Variants in PLXDC2 observed in about 807,000 individuals in gnomAD.
PLXDC2 encodes the protein plexin domain-containing protein 2.
Under a neutral mutation model 68.9 loss-of-function variants are expected in PLXDC2, and 40 were observed. The ratio of observed to expected loss-of-function variants is 0.58; its 90% CI spans 0.45 to 0.76. PLXDC2 has a LOEUF of 0.76. PLXDC2 is among the 30% of genes least tolerant of loss of function. The pLI, the probability that PLXDC2 is intolerant of heterozygous loss-of-function variation, is 0.00. For missense variants in PLXDC2, 644 were observed against 661.9 expected (o/e 0.97, Z 0.30); for synonymous variants, 243 against 234.2 (o/e 1.04, Z -0.34).
At chr10:20,116,227 A>G (rs1447566675) in intron 4 of PLXDC2, among the ~76,000 whole-genome samples, 1 of 152,198 alleles carries the variant, frequency 6.6e-6, no homozygotes, top group East Asian at 1.9e-4. Context: ...GTAAATGTAA[A>G]GGTGCTATGG....
intron 1 of PLXDC2, among the ~76,000 whole-genome samples, chr10:19,959,745 A>T (rs985759105): frequency 6.6e-6 from 1 of 152,156 alleles, no homozygotes; most frequent in African/African-American, 2.4e-5. Context: ...AATGTAAAAC[A>T]TCCAGGAACC....
chr10:19,840,655 A>G (rs1258716697), intron 1 of PLXDC2, among the ~76,000 whole-genome samples: 1 of 152,166 alleles, frequency 6.6e-6, no homozygotes, highest in Non-Finnish European at 1.5e-5. Context: ...TTCTTATTTC[A>G]TCAAGGAACT....
intron 2 of PLXDC2, among the ~76,000 whole-genome samples, chr10:20,016,185 T>G (rs10734029): frequency 0.39 from 58,650 of 151,960 alleles, 11,566 homozygotes; most frequent in East Asian, 0.55. Flanking sequence ...AAGAAACAAT[T>G]CTGGGTACTT....
intron 7 of PLXDC2, 63 bp downstream of exon 7, chr10:20,164,630 G>T (rs1006129837): frequency 7.6e-5 from 95 of 1,250,768 alleles, no homozygotes; most frequent in Non-Finnish European, 1.1e-4. Context: ...AAAGGAGATT[G>T]GTCTATGGCA....
At chr10:19,892,512 C>G (rs16919523) in intron 1 of PLXDC2, among the ~76,000 whole-genome samples, 3 of 152,272 alleles carry the variant, frequency 2.0e-5, no homozygotes, top group Non-Finnish European at 4.4e-5. Context: ...TGTAAAGTTA[C>G]GACTAGGACT....
At chr10:19,954,902 T>C (rs1167294629) in intron 1 of PLXDC2, among the ~76,000 whole-genome samples, 1 of 152,150 alleles carries the variant, frequency 6.6e-6, no homozygotes, top group Non-Finnish European at 1.5e-5. Flanking sequence ...ATCCCTGTCG[T>C]ATCTATCTGT....
At chr10:19,889,859 T>G (rs1286221765) in intron 1 of PLXDC2, among the ~76,000 whole-genome samples, 1 of 152,074 alleles carries the variant, frequency 6.6e-6, no homozygotes, top group Non-Finnish European at 1.5e-5. Flanking sequence ...GGTTAAGTCT[T>G]TCTCTGAATT....
chr10:19,944,860 G>C (rs1833875699), intron 1 of PLXDC2, among the ~76,000 whole-genome samples: 1 of 152,210 alleles, frequency 6.6e-6, no homozygotes, highest in African/African-American at 2.4e-5. Context: ...GCTGAGGCAG[G>C]AGAAGTGTTT....
chr10:20,106,155 T>A (rs1449776220), intron 4 of PLXDC2, among the ~76,000 whole-genome samples: 15 of 152,236 alleles, frequency 9.9e-5, no homozygotes, highest in Non-Finnish European at 1.5e-5. Context: ...GGAACTTCCT[T>A]GTGTTTTACG....
chr10:20,072,507 G>GAAAGAA (rs1214963837), intron 4 of PLXDC2, among the ~76,000 whole-genome samples: 1 of 90,552 alleles, frequency 1.1e-5, no homozygotes, highest in African/African-American at 9.7e-5. Context: ...AAGAAAGAAA[G>GAAAGAA]AAAGAAAGAA....
chr10:20,041,624 C>CT (rs35213394), intron 2 of PLXDC2, among the ~76,000 whole-genome samples: 3 of 151,932 alleles, frequency 2.0e-5, no homozygotes, highest in Non-Finnish European at 1.5e-5. Flanking sequence ...ACCTGATCTC[C>CT]TTTTTTTTCC....
chr10:20,179,491 A>G (rs1302120879), intron 9 of PLXDC2, among the ~76,000 whole-genome samples: 1 of 152,070 alleles, frequency 6.6e-6, no homozygotes, highest in Non-Finnish European at 1.5e-5. Flanking sequence ...TTTCAATGCT[A>G]AAACCAGGAA....
At chr10:20,122,299 T>G (rs1344005591) in intron 4 of PLXDC2, among the ~76,000 whole-genome samples, 27 of 152,126 alleles carry the variant, frequency 1.8e-4, no homozygotes, top group Non-Finnish European at 1.5e-5. Context: ...AATAAGGTAA[T>G]GCGGAGTGAG....
chr10:19,917,348 G>C (rs543912274), intron 1 of PLXDC2, among the ~76,000 whole-genome samples: 1 of 152,024 alleles, frequency 6.6e-6, no homozygotes, highest in Non-Finnish European at 1.5e-5. Flanking sequence ...TTTAAGCTCA[G>C]CCAGGCTACC....
At chr10:20,133,686 T>A (rs542919670) in intron 4 of PLXDC2, among the ~76,000 whole-genome samples, 2 of 152,314 alleles carry the variant, frequency 1.3e-5, no homozygotes, top group Middle Eastern at 3.4e-3. Flanking sequence ...TGTGATGATC[T>A]CTTTATGTCT....
rs1835129350 is a variant in PLXDC2, at chr10:20,012,303, C to CTCTTTTTTTT, written c.324+10318_324+10319insCTTTTTTTTT. Reference sequence around the variant, plus strand: ...GATAAGAGTCTCTCTCTCTCTCTCTCTTTTTTATTTTTTTTTTTTTTTTTT... The same window carrying CTCTTTTTTTT: ...GATAAGAGTCTCTCTCTCTCTCTCTCTCTTTTTTTTTTTTTTATTTTTTTTTTTTTTTTTT... On this transcript the variant is annotated intron_variant, in intron 2 of 13. Coordinates refer to ENST00000377252, the MANE Select transcript of PLXDC2 (RefSeq NM_032812.9). 2.0e-4 allele frequency among the ~76,000 whole-genome samples: 13 copies of CTCTTTTTTTT among 65,600 alleles called. 1 individual carries two copies. The highest frequency in any genetic ancestry group is 6.1e-4 in the African/African-American group (8 of 13,166). The allele number at this position is 65,600 out of a possible 152,430, so 43.0% of individuals were successfully genotyped here. A position where few individuals can be genotyped will look rare whatever the true frequency, so the allele number is the denominator to read the frequency against.
At chr10:20,122,174 A>G (rs193054586) in intron 4 of PLXDC2, among the ~76,000 whole-genome samples, 270 of 152,186 alleles carry the variant, frequency 1.8e-3, no homozygotes, top group African/African-American at 6.2e-3. Context: ...ACTAAAAGGA[A>G]TGCTTAAAAG....
chr10:20,249,049 C>G (rs1285927363), intron 13 of PLXDC2, among the ~76,000 whole-genome samples: 1 of 152,160 alleles, frequency 6.6e-6, no homozygotes, highest in East Asian at 1.9e-4. Flanking sequence ...TTTTTATGTA[C>G]ATAATTTGAT....
chr10:19,986,705 G>C (rs1834647943), intron 1 of PLXDC2, among the ~76,000 whole-genome samples: 1 of 152,176 alleles, frequency 6.6e-6, no homozygotes, highest in Admixed American at 6.5e-5. Flanking sequence ...GTGAGAACAC[G>C]GTGATGTCTT....
Sources: allele counts gnomAD v4.1 joint callset (sites outside exome capture counted in the v4.1 genomes callset), GRCh38; gene constraint gnomAD v4.1.1; transcripts MANE v1.5; gene names NCBI Gene and HGNC (gene_info 2026-07-23, HGNC 2026-07-21).